The following NKX6-1 variants were observed in gnomAD, a reference collection of about 807,000 sequenced individuals.
NKX6-1 encodes NK6 homeobox 1, also known as homeobox protein Nkx-6.1.
NKX6-1 carries 11 observed loss-of-function variants against 24.9 expected under a neutral mutation model. The observed-to-expected ratio is 0.44, with a 90% CI of 0.28 to 0.73. The LOEUF is 0.73. Ranked by LOEUF, NKX6-1 falls within the 30% of genes least tolerant of loss-of-function variation. The pLI, the probability that NKX6-1 is intolerant of heterozygous loss-of-function variation, is 0.15. For missense variants in NKX6-1, 487 were observed against 502.9 expected, an observed-to-expected ratio of 0.97 and a Z score of 0.30; for synonymous variants, 277 against 242.9, an observed-to-expected ratio of 1.14 and a Z score of -1.31.
Position 84,495,825 on chromosome 4 carries a change from C to A in NKX6-1, c.690G>T (p.Leu230Phe). 6.2e-7 allele frequency: 1 copy of A among 1,614,066 alleles called. No homozygotes were observed. Among genetic ancestry groups the A allele is most frequent in the Non-Finnish European group, 8.5e-7 (1 of 1,179,996 alleles). ...ACTPHQGSIL[L>F]DKDGKRKHTR... The stretch of plus-strand genomic sequence containing the variant: ...TGTGTTTTCTCTTCCCGTCTTTGTC[C>A]AACAAAATGGATCCTTGATCTGTGA... Residue 230 changes from leucine to phenylalanine, a missense_variant, in exon 2 of 3, where the codon TTG (leucine) becomes TTT (phenylalanine). Leu to Phe is a conservative substitution (Grantham distance 22, BLOSUM62 0). This residue lies in a region of NKX6-1 where 45 missense variants were observed against 86.0 expected (regional missense o/e 0.52). Coordinates refer to ENST00000295886, the MANE Select transcript of NKX6-1 (RefSeq NM_006168.3).
intron 2 of NKX6-1, 68 bp downstream of exon 2, chr4:84,495,604 T>C (rs1012759250): frequency 2.7e-5 from 34 of 1,261,622 alleles, no homozygotes; most frequent in Middle Eastern, 5.5e-4. Context: ...TGTGTGTGTG[T>C]GCCCATGTGT....
In NKX6-1 at chr4:84,493,074, A is replaced by G. The variant is rs926896731; in HGVS notation, c.*215T>C. ...ATTTGGTGGTCTTTCTTGCCTTATC[A>G]ACCCCGGAGTCTCTCTCCCCTACAT... On this transcript the variant is annotated 3_prime_UTR_variant, in exon 3 of 3. Coordinates refer to ENST00000295886, the MANE Select transcript of NKX6-1 (RefSeq NM_006168.3). This position sits in a 1 kb window ranked among gnomAD's most constrained non-coding sequence, Gnocchi z 5.1. The G allele has an allele frequency of 7.2e-5, 28 of 387,522 alleles. No homozygotes were observed. Among genetic ancestry groups the G allele is most frequent in the African/African-American group, 5.7e-4 (27 of 47,752 alleles). The allele number at this position is 387,522 out of a possible 1,614,324, so 24.0% of individuals were successfully genotyped here. A position where few individuals can be genotyped will look rare whatever the true frequency, so the allele number is the denominator to read the frequency against.
At chr4:84,494,287 G>A (rs1303535781) in intron 2 of NKX6-1, among the ~76,000 whole-genome samples, 6 of 151,350 alleles carry the variant, frequency 4.0e-5, no homozygotes, top group African/African-American at 1.2e-4. Context: ...TTTTTAAAAC[G>A]TGAAAAATTG....
In NKX6-1 at chr4:84,495,178, T is replaced by C. The variant is rs528592520; in HGVS notation, c.843+494A>G. 4.1e-4 allele frequency among the ~76,000 whole-genome samples: 62 copies of C among 152,368 alleles called. 1 individual carries two copies. The highest frequency in any genetic ancestry group is 4.4e-5 in the Non-Finnish European group (3 of 68,042). On this transcript the variant is annotated intron_variant, in intron 2 of 2. Coordinates refer to ENST00000295886, the MANE Select transcript of NKX6-1 (RefSeq NM_006168.3). ...AACAGGTTCATCTATGGCAAGTGGT[T>C]AGATCCTGTGGATTTATTTATTTTT...
chr4:84,498,801 G>C lies in NKX6-1; in HGVS notation c.-573C>G, dbSNP rs1168393032. Among the ~76,000 whole-genome samples the C allele has an allele frequency of 6.6e-6, 1 of 152,164 alleles. No homozygotes were observed. Among genetic ancestry groups the C allele is most frequent in the East Asian group, 1.9e-4 (1 of 5,160 alleles). On this transcript the variant is annotated 5_prime_UTR_variant, in exon 1 of 3. Transcript: ENST00000295886. ...CGCATTCGACGCTCACTGTGCCCGG[G>C]GAGAAAGCGCATCCAGCCCGCGGGA...
intron 2 of NKX6-1, 63 bp downstream of exon 2, chr4:84,495,609 A>C (rs1228022627): frequency 2.2e-6 from 3 of 1,369,190 alleles, no homozygotes; most frequent in South Asian, 2.5e-5. Flanking sequence ...GTGTGTGCCC[A>C]TGTGTGCACG....
chr4:84,495,098 T>C (rs1720791918), intron 2 of NKX6-1, among the ~76,000 whole-genome samples: 1 of 152,218 alleles, frequency 6.6e-6, no homozygotes, highest in African/African-American at 2.4e-5. Context: ...AATAATCTTG[T>C]CAATTCATTT....
rs769676467 is a variant in NKX6-1, at chr4:84,495,834, G to A, written c.681C>T (p.Ser227=). The A allele has an allele frequency of 6.2e-7, 1 of 1,614,154 alleles. No homozygotes were observed. The highest frequency in any genetic ancestry group is 8.5e-7 in the Non-Finnish European group (1 of 1,180,006). The change falls in exon 2 of 3, where the codon TCC becomes TCT. Residue 227 remains serine, a synonymous_variant. Coordinates refer to ENST00000295886, the MANE Select transcript of NKX6-1 (RefSeq NM_006168.3). The stretch of plus-strand genomic sequence containing the variant: ...TCTTCCCGTCTTTGTCCAACAAAAT[G>A]GATCCTTGATCTGTGAGAACCAATA... ...ARLACTPHQG[S]ILLDKDGKRK...
rs763208045 is a variant in NKX6-1 at position 84,497,812 on chromosome 4, G to C, written c.417C>G (p.Ala139=). ...SSASASSASA[A]AAAAAAAAAA... ...CTGCGGCCGCGGCAGCAGCCGCGGC[G>C]GCGGCAGAGGCGGAGGAGGCAGAGG... The change falls in exon 1 of 3, where the codon GCC becomes GCG. Residue 139 remains alanine, a synonymous_variant. Coordinates refer to ENST00000295886, the MANE Select transcript of NKX6-1 (RefSeq NM_006168.3). This position sits in a 1 kb window ranked among gnomAD's most constrained non-coding sequence, Gnocchi z 4.8. 34 of 1,268,884 alleles carry C rather than the reference G, an allele frequency of 2.7e-5. 2 individuals carry two copies. The South Asian group carries it at 9.7e-4, about 36-fold the overall frequency. The allele number at this position is 1,268,884 out of a possible 1,614,324, so 78.6% of individuals were successfully genotyped here.
In NKX6-1 at chr4:84,493,405, G is replaced by A. The variant is rs1212577322; in HGVS notation, c.988C>T (p.Leu330=). The part of the protein sequence containing the change: ...EEEDDDYNKP[L]DPNSDDEKIT... ...TTCTCGTCGTCCGAGTTGGGATCCA[G>A]AGGCTTATTGTAGTCGTCGTCCTCT... The change falls in exon 3 of 3, where the codon CTG becomes TTG. Residue 330 remains leucine, a synonymous_variant. Coordinates refer to ENST00000295886, the MANE Select transcript of NKX6-1 (RefSeq NM_006168.3). This position sits in a 1 kb window ranked among gnomAD's most constrained non-coding sequence, Gnocchi z 5.1. 6.2e-7 allele frequency: 1 copy of A among 1,614,096 alleles called. No individual in the cohort carries two copies. Among genetic ancestry groups the A allele is most frequent in the African/African-American group, 1.3e-5 (1 of 74,950 alleles).
chr4:84,495,410 G>C (rs1366497646), intron 2 of NKX6-1, among the ~76,000 whole-genome samples: 1 of 152,138 alleles, frequency 6.6e-6, no homozygotes, highest in Non-Finnish European at 1.5e-5. Flanking sequence ...AGCACATGCT[G>C]CTATATAGAT....
Position 84,497,962 on chromosome 4 carries a change from C to A in NKX6-1, c.267G>T (p.Gln89His). 1 of 1,299,388 alleles carries A rather than the reference C, an allele frequency of 7.7e-7. No homozygotes were observed. The highest frequency in any genetic ancestry group is 9.8e-7 in the Non-Finnish European group (1 of 1,020,432). 80.5% of individuals were successfully genotyped at this position (1,299,388 alleles called of 1,614,324 possible). A position where few individuals can be genotyped will look rare whatever the true frequency, so the allele number is the denominator to read the frequency against. ...GLSSLGSPPQ[Q>H]LSAATPHGIN... ...TGCCGTGTGGGGTGGCGGCCGAGAG[C>A]TGCTGCGGGGGGCTGCCGAGGGATG... The change falls in exon 1 of 3, where the codon CAG becomes CAT. Residue 89 changes from glutamine to histidine, a missense_variant. Gln to His is a conservative substitution (Grantham distance 24, BLOSUM62 0). Coordinates refer to ENST00000295886, the MANE Select transcript of NKX6-1 (RefSeq NM_006168.3). This position sits in a 1 kb window ranked among gnomAD's most constrained non-coding sequence, Gnocchi z 4.8.
rs1720763556 is a variant in NKX6-1 at position 84,493,392 on chromosome 4, G to A, written c.1001C>T (p.Ser334Leu). 1 of 1,614,068 alleles carries A rather than the reference G, an allele frequency of 6.2e-7. No individual in the cohort carries two copies. The highest frequency in any genetic ancestry group is 1.3e-5 in the African/African-American group (1 of 74,948). Residue 334 changes from serine to leucine, a missense_variant, in exon 3 of 3, where the codon TCG becomes TTG. Physicochemically the swap from Ser to Leu is moderately radical, Grantham distance 145. Around this residue, in one of 3 missense-constraint regions of NKX6-1, gnomAD observed 126 missense variants for 105.5 expected, o/e 1.19. Transcript: ENST00000295886. This position sits in a 1 kb window ranked among gnomAD's most constrained non-coding sequence, Gnocchi z 5.1. ...CAGCTGCGTGATTTTCTCGTCGTCC[G>A]AGTTGGGATCCAGAGGCTTATTGTA... ...DDYNKPLDPN[S>L]DDEKITQLLK...
chr4:84,497,890 G>A lies in NKX6-1; in HGVS notation c.339C>T (p.Ala113=). ...SRPSMPVASG[A]ALPSASPSGS... The stretch of plus-strand genomic sequence containing the variant: ...CGGAGGGCGAGGCGGAGGGCAGGGC[G>A]GCCCCCGAGGCCACGGGCATGGAGG... The change falls in exon 1 of 3, where the codon GCC becomes GCT. Residue 113 remains alanine, a synonymous_variant. Coordinates refer to ENST00000295886, the MANE Select transcript of NKX6-1 (RefSeq NM_006168.3). The surrounding 1 kb of genome is among the most constrained non-coding windows in gnomAD (Gnocchi z 4.8). The A allele has an allele frequency of 1.6e-6, 2 of 1,282,326 alleles. No individual in the cohort carries two copies. Among genetic ancestry groups the A allele is most frequent in the Non-Finnish European group, 9.9e-7 (1 of 1,014,858 alleles). 79.4% of individuals were successfully genotyped at this position (1,282,326 alleles called of 1,614,324 possible).
chr4:84,493,030 A>C lies in NKX6-1; in HGVS notation c.*259T>G. 1 of 268,646 alleles carries C rather than the reference A, an allele frequency of 3.7e-6. No individual in the cohort carries two copies. The highest frequency in any genetic ancestry group is 6.9e-6 in the Non-Finnish European group (1 of 144,792). 16.6% of individuals were successfully genotyped at this position (268,646 alleles called of 1,614,324 possible). On this transcript the variant is annotated 3_prime_UTR_variant, in exon 3 of 3. Coordinates refer to ENST00000295886, the MANE Select transcript of NKX6-1 (RefSeq NM_006168.3). This position sits in a 1 kb window ranked among gnomAD's most constrained non-coding sequence, Gnocchi z 5.1. ...CCGTGGCCCGGCTGCGGGTTTCAGT[A>C]GCGACATTTACGCAGTGCATTTGGT...
At position 84,493,698 on chromosome 4, in the gene NKX6-1, G is replaced by T. The variant is rs532151177; in HGVS notation, c.844-149C>A. 4 of 1,009,770 alleles carry T rather than the reference G, an allele frequency of 4.0e-6. No homozygotes were observed. The South Asian group carries it at 6.8e-5, about 17-fold the overall frequency. 62.6% of individuals were successfully genotyped at this position (1,009,770 alleles called of 1,614,324 possible). A position where few individuals can be genotyped will look rare whatever the true frequency, so the allele number is the denominator to read the frequency against. ...CTCCCTCGCAGCCCTCCCTTTTCTCGGCCGTCAAAGTCAGTCTCCGTCGCC... is the reference window on the plus strand; with the variant it reads ...CTCCCTCGCAGCCCTCCCTTTTCTCTGCCGTCAAAGTCAGTCTCCGTCGCC... On this transcript the variant is annotated intron_variant, in intron 2 of 2. Transcript: ENST00000295886. This position sits in a 1 kb window ranked among gnomAD's most constrained non-coding sequence, Gnocchi z 5.1.
In NKX6-1 at chr4:84,493,215, G is replaced by C; in HGVS notation, c.*74C>G. 1 of 1,334,900 alleles carries C rather than the reference G, an allele frequency of 7.5e-7. No individual in the cohort carries two copies. Among genetic ancestry groups the C allele is most frequent in the Non-Finnish European group, 9.6e-7 (1 of 1,038,434 alleles). The allele number at this position is 1,334,900 out of a possible 1,614,324, so 82.7% of individuals were successfully genotyped here. A position where few individuals can be genotyped will look rare whatever the true frequency, so the allele number is the denominator to read the frequency against. On this transcript the variant is annotated 3_prime_UTR_variant, in exon 3 of 3. Coordinates refer to ENST00000295886, the MANE Select transcript of NKX6-1 (RefSeq NM_006168.3). This position sits in a 1 kb window ranked among gnomAD's most constrained non-coding sequence, Gnocchi z 5.1. ...CCCGAGGAGCGGGCAGGCGCGGCGT[G>C]CACGCGGTCCCCGCGCCCCTCGCGG...
intron 2 of NKX6-1, among the ~76,000 whole-genome samples, chr4:84,495,412 T>C (rs1172441204): frequency 6.6e-6 from 1 of 152,208 alleles, no homozygotes; most frequent in Non-Finnish European, 1.5e-5. Flanking sequence ...CACATGCTGC[T>C]ATATAGATTA....
Position 84,493,460 on chromosome 4 carries a change from C to A in NKX6-1, c.933G>T (p.Glu311Asp). The A allele has an allele frequency of 1.2e-6, 2 of 1,614,276 alleles. No individual in the cohort carries two copies. Among genetic ancestry groups the A allele is most frequent in the Non-Finnish European group, 1.7e-6 (2 of 1,180,052 alleles). The change falls in exon 3 of 3, where the codon GAG becomes GAT. Residue 311 changes from glutamate (E) to aspartate (D), a missense_variant. By Grantham distance (45) the Glu-to-Asp change is conservative. Coordinates refer to ENST00000295886, the MANE Select transcript of NKX6-1 (RefSeq NM_006168.3). The surrounding 1 kb of genome is among the most constrained non-coding windows in gnomAD (Gnocchi z 5.1). ...TAKKKQDSETERLKGASENEE... is the reference protein window; with the variant it reads ...TAKKKQDSETDRLKGASENEE... ...CGTTCTCCGAGGCCCCCTTGAGGCG[C>A]TCTGTCTCCGAGTCCTGCTTCTTCT...
Sources: gnomAD v4.1 joint callset for allele counts (sites outside exome capture counted in the v4.1 genomes callset) on GRCh38, gnomAD v4.1.1 for gene constraint, gnomAD v4.1.1 regional missense constraint, Gnocchi (gnomAD v3.1) non-coding constraint, MANE v1.5 for transcripts, NCBI Gene and HGNC (gene_info 2026-07-23, HGNC 2026-07-21) for gene names.